The following VEZF1 variants were observed in gnomAD, a reference collection of about 807,000 sequenced individuals.
The protein encoded by VEZF1 is vascular endothelial zinc finger 1.
In VEZF1, 5 loss-of-function variants were observed where a neutral mutation model predicts 44.1. That is an observed-to-expected ratio of 0.11 (90% confidence interval 0.06 to 0.24). VEZF1 has a LOEUF of 0.24. Ranked by LOEUF, VEZF1 falls within the 10% of genes least tolerant of loss-of-function variation. The pLI is 1.00. For synonymous variants in VEZF1, 236 were observed against 233.1 expected, an observed-to-expected ratio of 1.01 and a Z score of -0.11; for missense variants, 358 against 641.8, an observed-to-expected ratio of 0.56 and a Z score of 4.78.
In VEZF1 at chr17:57,974,412, CTAAAAGT is replaced by C; in HGVS notation, c.*54_*60del. The C allele has an allele frequency of 1.3e-6, 2 of 1,541,594 alleles. No homozygotes were observed. The highest frequency in any genetic ancestry group is 1.8e-6 in the Non-Finnish European group (2 of 1,137,632). Reference sequence around the variant, plus strand: ...ATGGTTTACTTTTTGCTTTAATCAACTAAAAGTTAAGTTGCTGGTAAATATTTACTTT... The same window carrying C: ...ATGGTTTACTTTTTGCTTTAATCAACTAAGTTGCTGGTAAATATTTACTTT... On this transcript the variant is annotated 3_prime_UTR_variant, in exon 6 of 6. Coordinates refer to ENST00000581208, the MANE Select transcript of VEZF1 (RefSeq NM_007146.3).
At chr17:57,982,034 A>G (rs750500756) in intron 2 of VEZF1, 98 bp from the exon 3 acceptor site, 8 of 1,305,282 alleles carry the variant, frequency 6.1e-6, no homozygotes, top group Non-Finnish European at 8.7e-6. Flanking sequence ...GAAGGGGTGC[A>G]TTTTAGGGAA....
chr17:57,982,884 C>G lies in VEZF1; in HGVS notation c.543G>C (p.Lys181Asn). The G allele has an allele frequency of 6.2e-7, 1 of 1,614,132 alleles. No homozygotes were observed. Among genetic ancestry groups the G allele is most frequent in the Non-Finnish European group, 8.5e-7 (1 of 1,180,022 alleles). ...KKNHACEMCG[K>N]AFRDVYHLNR... ...TGAGATGGTACACATCTCGGAAGGC[C>G]TTCCCACACATCTCACAAGCATGGT... Residue 181 changes from lysine to asparagine, a missense_variant, in exon 2 of 6, where the codon AAG becomes AAC. Physicochemically the swap from Lys to Asn is moderately conservative, Grantham distance 94. Transcript: ENST00000581208.
intron 1 of VEZF1, chr17:57,985,338 C>T (rs2075285212): frequency 8.1e-7 from 1 of 1,231,160 alleles, no homozygotes; most frequent in East Asian, 3.2e-5. Context: ...GAGGGTCACA[C>T]CAGGTCCCTG....
In VEZF1 at chr17:57,973,287, A is replaced by G. The variant is rs2075155302; in HGVS notation, c.*1186T>C. 1 of 152,242 alleles carries G rather than the reference A, an allele frequency of 6.6e-6. No individual in the cohort carries two copies. The highest frequency in any genetic ancestry group is 1.5e-5 in the Non-Finnish European group (1 of 68,034). 9.4% of individuals were successfully genotyped at this position (152,242 alleles called of 1,614,324 possible). Reference sequence around the variant, plus strand: ...AGCTGTCTCCCTGAAAACACCACAAAGCTGATACAAGTGTTTTCTCAAAGA... The same window carrying G: ...AGCTGTCTCCCTGAAAACACCACAAGGCTGATACAAGTGTTTTCTCAAAGA... On this transcript the variant is annotated 3_prime_UTR_variant, in exon 6 of 6. Coordinates refer to ENST00000581208, the MANE Select transcript of VEZF1 (RefSeq NM_007146.3).
rs375753469 is a variant in VEZF1 at position 57,974,850 on chromosome 17, G to C, written c.1189C>G (p.Leu397Val). Residue 397 changes from leucine to valine, a missense_variant, in exon 6 of 6, where the codon CTC becomes GTC. Physicochemically the swap from Leu to Val is conservative, Grantham distance 32. Coordinates refer to ENST00000581208, the MANE Select transcript of VEZF1 (RefSeq NM_007146.3). ...TSTAATTPVT[L>V]TTPFSITSSV... ...GATGTTATACTGAATGGAGTAGTGA[G>C]AGTCACAGGTGTCGTAGCAGCCGTG... 25 of 1,614,054 alleles carry C rather than the reference G, an allele frequency of 1.5e-5. No homozygotes were observed. Among genetic ancestry groups the C allele is most frequent in the Middle Eastern group, 1.6e-4 (1 of 6,084 alleles).
intron 1 of VEZF1, among the ~76,000 whole-genome samples, chr17:57,987,820 TGTGTGTGTGC>T (rs756386018): frequency 3.6e-4 from 54 of 151,630 alleles, no homozygotes; most frequent in Admixed American, 9.8e-4. Context: ...TGTGTGAGTG[TGTGTGTGTGC>T]GTGTGTGTGC....
Position 57,972,096 on chromosome 17 carries a change from T to C in VEZF1, c.*2377A>G, listed in dbSNP as rs1394477401. On this transcript the variant is annotated 3_prime_UTR_variant, in exon 6 of 6. Transcript: ENST00000581208. ...TGAATAAAGAATGCATACAAAATAG[T>C]ATTTTAACTGAAGTCATACAATGAA... The C allele has an allele frequency of 6.6e-6, 1 of 152,632 alleles. No homozygotes were observed. Among genetic ancestry groups the C allele is most frequent in the African/African-American group, 2.4e-5 (1 of 41,450 alleles). 9.5% of individuals were successfully genotyped at this position (152,632 alleles called of 1,614,324 possible). A position where few individuals can be genotyped will look rare whatever the true frequency, so the allele number is the denominator to read the frequency against.
Position 57,974,401 on chromosome 17 carries a change from G to A in VEZF1, c.*72C>T, listed in dbSNP as rs1164319420. 2 of 1,479,184 alleles carry A rather than the reference G, an allele frequency of 1.4e-6. No individual in the cohort carries two copies. Among genetic ancestry groups the A allele is most frequent in the Non-Finnish European group, 1.8e-6 (2 of 1,090,926 alleles). 91.6% of individuals were successfully genotyped at this position (1,479,184 alleles called of 1,614,324 possible). On this transcript the variant is annotated 3_prime_UTR_variant, in exon 6 of 6. Coordinates refer to ENST00000581208, the MANE Select transcript of VEZF1 (RefSeq NM_007146.3). ...CTCCCAATTTCATGGTTTACTTTTT[G>A]CTTTAATCAACTAAAAGTTAAGTTG...
chr17:57,974,629 G>T lies in VEZF1; in HGVS notation c.1410C>A (p.Val470=), dbSNP rs753790238. The change falls in exon 6 of 6, where the codon GTC becomes GTA. Residue 470 remains valine, a synonymous_variant. Coordinates refer to ENST00000581208, the MANE Select transcript of VEZF1 (RefSeq NM_007146.3). Reference sequence around the variant, plus strand: ...GGTGTGCTATATTCACTGGGGCAGTGACGGGGGTGGGGAGGTTGACTGGGG... The same window carrying T: ...GGTGTGCTATATTCACTGGGGCAGTTACGGGGGTGGGGAGGTTGACTGGGG... The part of the protein sequence containing the change: ...LTTPVNLPTP[V]TAPVNIAHPV... The T allele has an allele frequency of 6.2e-7, 1 of 1,614,146 alleles. No homozygotes were observed. Among genetic ancestry groups the T allele is most frequent in the South Asian group, 1.1e-5 (1 of 91,072 alleles).
At position 57,972,462 on chromosome 17, in the gene VEZF1, T is replaced by A. The variant is rs986022706; in HGVS notation, c.*2011A>T. 1 of 152,622 alleles carries A rather than the reference T, an allele frequency of 6.6e-6. No individual in the cohort carries two copies. The highest frequency in any genetic ancestry group is 1.5e-5 in the Non-Finnish European group (1 of 68,046). The allele number at this position is 152,622 out of a possible 1,614,324, so 9.5% of individuals were successfully genotyped here. A position where few individuals can be genotyped will look rare whatever the true frequency, so the allele number is the denominator to read the frequency against. The stretch of plus-strand genomic sequence containing the variant: ...GGCCTCAGCAAGGTCATTCTTGGGC[T>A]TTCCCTACACGAGTCCTTCCAGTAG... On this transcript the variant is annotated 3_prime_UTR_variant, in exon 6 of 6. Transcript: ENST00000581208.
rs2075136868 is a variant in VEZF1 at position 57,971,637 on chromosome 17, T to C, written c.*2836A>G. On this transcript the variant is annotated 3_prime_UTR_variant, in exon 6 of 6. Transcript: ENST00000581208. ...ACAGTGCTGGTATTGACAGGTAAAA[T>C]CATCATCTGCTTACATAGAAACCTT... 6.6e-6 allele frequency: 1 copy of C among 152,534 alleles called. No individual in the cohort carries two copies. Among genetic ancestry groups the C allele is most frequent in the Admixed American group, 6.6e-5 (1 of 15,262 alleles). 9.4% of individuals were successfully genotyped at this position (152,534 alleles called of 1,614,324 possible). A position where few individuals can be genotyped will look rare whatever the true frequency, so the allele number is the denominator to read the frequency against.
At chr17:57,987,841 T>TG (rs1352156494) in intron 1 of VEZF1, among the ~76,000 whole-genome samples, 1 of 151,582 alleles carries the variant, frequency 6.6e-6, no homozygotes, top group Non-Finnish European at 1.5e-5. Flanking sequence ...GTGTGTGTGC[T>TG]GGGGGGCCCC....
chr17:57,986,474 T>C (rs1201565668), intron 1 of VEZF1, among the ~76,000 whole-genome samples: 2 of 152,232 alleles, frequency 1.3e-5, no homozygotes, highest in Non-Finnish European at 2.9e-5. Flanking sequence ...GCTAGTTATA[T>C]ATCATTTCTT....
At chr17:57,987,710 C>T (rs1024303001) in intron 1 of VEZF1, among the ~76,000 whole-genome samples, 1 of 152,110 alleles carries the variant, frequency 6.6e-6, no homozygotes, top group African/African-American at 2.4e-5. Context: ...GCCCAGCAGC[C>T]CGCGCTATCC....
chr17:57,973,604 T>C lies in VEZF1; in HGVS notation c.*869A>G, dbSNP rs2075159613. On this transcript the variant is annotated 3_prime_UTR_variant, in exon 6 of 6. Coordinates refer to ENST00000581208, the MANE Select transcript of VEZF1 (RefSeq NM_007146.3). ...CCAATTTAAAGCAATATATTTGTAC[T>C]GTTCCAAAGTACTCCTTGGCTCCTA... 6.6e-6 allele frequency: 1 copy of C among 152,562 alleles called. No individual in the cohort carries two copies. The highest frequency in any genetic ancestry group is 1.5e-5 in the Non-Finnish European group (1 of 68,048). 9.5% of individuals were successfully genotyped at this position (152,562 alleles called of 1,614,324 possible).
Position 57,972,872 on chromosome 17 carries a change from G to A in VEZF1, c.*1601C>T, listed in dbSNP as rs2075150654. The A allele has an allele frequency of 6.6e-6, 1 of 152,582 alleles. No individual in the cohort carries two copies. Among genetic ancestry groups the A allele is most frequent in the Non-Finnish European group, 1.5e-5 (1 of 68,032 alleles). 9.5% of individuals were successfully genotyped at this position (152,582 alleles called of 1,614,324 possible). On this transcript the variant is annotated 3_prime_UTR_variant, in exon 6 of 6. Transcript: ENST00000581208. ...TGACACACAGATACCTGTCCCTGAT[G>A]TAGGAAGTCTGTCTCAGATGCAAGG...
chr17:57,985,295 T>G (rs1226464500), intron 1 of VEZF1: 1 of 1,231,630 alleles, frequency 8.1e-7, no homozygotes, highest in Non-Finnish European at 1.0e-6. Context: ...ACATAAAGTA[T>G]TTTTACAGCA....
chr17:57,986,830 C>T (rs2075298396), intron 1 of VEZF1, among the ~76,000 whole-genome samples: 1 of 152,102 alleles, frequency 6.6e-6, no homozygotes, highest in African/African-American at 2.4e-5. Flanking sequence ...ATCAAGCGCC[C>T]CAGCTACGCG....
intron 2 of VEZF1, 105 bp from the exon 3 acceptor site, chr17:57,982,041 G>T: frequency 8.1e-7 from 1 of 1,235,558 alleles, no homozygotes; most frequent in Non-Finnish European, 1.2e-6. Flanking sequence ...TGCATTTTAG[G>T]GAAAGCTAGC....
Sources: allele counts gnomAD v4.1 joint callset (sites outside exome capture counted in the v4.1 genomes callset), GRCh38; gene constraint gnomAD v4.1.1; transcripts MANE v1.5; gene names NCBI Gene and HGNC (gene_info 2026-07-23, HGNC 2026-07-21).